The following UCK2 variants were observed in gnomAD, a reference collection of about 807,000 sequenced individuals.
UCK2 encodes the protein cytidine monophosphokinase 2.
Under a neutral mutation model 30.8 loss-of-function variants are expected in UCK2, and 6 were observed. The ratio of observed to expected loss-of-function variants is 0.19; its 90% CI spans 0.11 to 0.38. UCK2 has a LOEUF of 0.38. Among genes scored for constraint, UCK2 ranks in the 10% least tolerant of loss-of-function variants. The pLI is 1.00. For synonymous variants in UCK2, 125 were observed against 133.6 expected, an observed-to-expected ratio of 0.94 and a Z score of 0.45; for missense variants, 210 against 339.8, an observed-to-expected ratio of 0.62 and a Z score of 3.00.
At chr1:165,857,467 G>A (rs1054159194) in intron 1 of UCK2, among the ~76,000 whole-genome samples, 2 of 152,198 alleles carry the variant, frequency 1.3e-5, no homozygotes, top group African/African-American at 4.8e-5. Context: ...GTACTGTGGG[G>A]ACACCCATGA....
chr1:165,857,830 CT>C (rs1280546888), intron 1 of UCK2, among the ~76,000 whole-genome samples: 1 of 152,200 alleles, frequency 6.6e-6, no homozygotes, highest in Non-Finnish European at 1.5e-5. Context: ...TACTTTCTCC[CT>C]TTTACCCCTC....
intron 3 of UCK2, chr1:165,895,945 C>T: frequency 2.5e-6 from 1 of 406,092 alleles, no homozygotes; most frequent in Admixed American, 4.0e-5. Context: ...CCGTGTATTT[C>T]TGTTTCATGG....
intron 1 of UCK2, among the ~76,000 whole-genome samples, chr1:165,849,178 G>A (rs550351338): frequency 6.6e-6 from 1 of 152,284 alleles, no homozygotes; most frequent in East Asian, 1.9e-4. Context: ...TGTCAGTATT[G>A]ATTTAGTTTT....
At chr1:165,836,993 C>T (rs895616198) in intron 1 of UCK2, among the ~76,000 whole-genome samples, 5 of 152,074 alleles carry the variant, frequency 3.3e-5, no homozygotes, top group African/African-American at 9.7e-5. Context: ...TGCCTGTCCT[C>T]GTGCACAAAA....
intron 1 of UCK2, among the ~76,000 whole-genome samples, chr1:165,876,019 C>G (rs1655324744): frequency 6.6e-6 from 1 of 152,192 alleles, no homozygotes; most frequent in African/African-American, 2.4e-5. Flanking sequence ...CCAACATTAT[C>G]ACAAAAGACT....
At chr1:165,904,717 G>C (rs1369100638) in intron 5 of UCK2, among the ~76,000 whole-genome samples, 1 of 152,188 alleles carries the variant, frequency 6.6e-6, no homozygotes, top group Admixed American at 6.5e-5. Flanking sequence ...TGGGTTTGGG[G>C]CTGACACCGT....
At chr1:165,839,626 C>G (rs920407848) in intron 1 of UCK2, among the ~76,000 whole-genome samples, 4 of 152,008 alleles carry the variant, frequency 2.6e-5, no homozygotes, top group Admixed American at 6.5e-5. Context: ...AAGATGCTTC[C>G]TTGTTGAGGT....
intron 1 of UCK2, among the ~76,000 whole-genome samples, chr1:165,880,483 G>A (rs547931952): frequency 6.6e-6 from 1 of 151,910 alleles, no homozygotes; most frequent in African/African-American, 2.4e-5. Flanking sequence ...TCTCCTCTTT[G>A]TTTCTGCTTC....
intron 1 of UCK2, among the ~76,000 whole-genome samples, chr1:165,839,717 CA>C (rs1381326733): frequency 6.6e-6 from 1 of 152,150 alleles, no homozygotes; most frequent in Non-Finnish European, 1.5e-5. Flanking sequence ...CCTATTTGGC[CA>C]CTTTTAATCT....
rs561997260 is a variant in UCK2, at chr1:165,899,439, T to C, written c.499+3107T>C. 5.3e-5 allele frequency among the ~76,000 whole-genome samples: 8 copies of C among 152,332 alleles called. No homozygotes were observed. The South Asian group carries it at 1.7e-3, about 32-fold the overall frequency. The stretch of plus-strand genomic sequence containing the variant: ...CTGGGCCTTGGGGGATTCAGCCCAT[T>C]CTTTTACTATAGAGTAGCACATTTC... On this transcript the variant is annotated intron_variant, in intron 4 of 6. Coordinates refer to ENST00000367879, the MANE Select transcript of UCK2 (RefSeq NM_012474.5).
At chr1:165,884,246 C>T (rs58173992) in intron 1 of UCK2, among the ~76,000 whole-genome samples, 5,070 of 152,268 alleles carry the variant, frequency 0.033, 255 homozygotes, top group African/African-American at 0.11. Context: ...TGTTGTTTCC[C>T]GTCCTGAAAA....
At chr1:165,844,121 C>T (rs552131672) in intron 1 of UCK2, among the ~76,000 whole-genome samples, 30 of 152,340 alleles carry the variant, frequency 2.0e-4, no homozygotes, top group African/African-American at 6.5e-4. Flanking sequence ...TAAGTACCCA[C>T]TGTGTATAGA....
intron 1 of UCK2, among the ~76,000 whole-genome samples, chr1:165,874,544 C>T (rs1375805522): frequency 6.6e-6 from 1 of 152,142 alleles, no homozygotes; most frequent in Non-Finnish European, 1.5e-5. Flanking sequence ...AGGGATAGGG[C>T]AGGGATTTGG....
At chr1:165,857,141 AC>A (rs1370711599) in intron 1 of UCK2, among the ~76,000 whole-genome samples, 1 of 152,022 alleles carries the variant, frequency 6.6e-6, no homozygotes, top group Non-Finnish European at 1.5e-5. Context: ...CTCTTTTGTT[AC>A]ATATTAACAT....
chr1:165,860,292 A>T (rs1031081483), intron 1 of UCK2, among the ~76,000 whole-genome samples: 1 of 151,800 alleles, frequency 6.6e-6, no homozygotes, highest in African/African-American at 2.4e-5. Context: ...CACATACCAC[A>T]CCTTTGAAGC....
At chr1:165,858,235 T>C (rs1040026383) in intron 1 of UCK2, among the ~76,000 whole-genome samples, 1 of 152,114 alleles carries the variant, frequency 6.6e-6, no homozygotes, top group African/African-American at 2.4e-5. Context: ...ACCTCTGTCA[T>C]AGGGGAGAGA....
chr1:165,837,560 C>T (rs999964811), intron 1 of UCK2, among the ~76,000 whole-genome samples: 2 of 152,100 alleles, frequency 1.3e-5, no homozygotes, highest in Non-Finnish European at 1.5e-5. Flanking sequence ...TTTGGGGCCT[C>T]CTCTTCTATG....
chr1:165,905,989 C>T lies in UCK2; in HGVS notation c.646+20C>T, dbSNP rs1254169016. The T allele has an allele frequency of 1.2e-6, 2 of 1,609,754 alleles. No individual in the cohort carries two copies. The highest frequency in any genetic ancestry group is 2.2e-5 in the South Asian group (2 of 90,966). On this transcript the variant is annotated intron_variant, in intron 6 of 6. Transcript: ENST00000367879. ...ATCTGGGTGAGTCCCTGCAGAGTGT[C>T]ATCCTGGAGTATAATGTCTGCCCTT...
intron 4 of UCK2, among the ~76,000 whole-genome samples, chr1:165,899,637 G>A (rs991001358): frequency 4.6e-5 from 7 of 152,198 alleles, no homozygotes; most frequent in African/African-American, 1.7e-4. Flanking sequence ...TTCCTGCCCT[G>A]TACCCTGTCC....
Sources: allele counts gnomAD v4.1 joint callset (sites outside exome capture counted in the v4.1 genomes callset), GRCh38; gene constraint gnomAD v4.1.1; transcripts MANE v1.5; gene names NCBI Gene and HGNC (gene_info 2026-07-23, HGNC 2026-07-21).